The following CSMD1 variants were observed in gnomAD, a reference collection of about 807,000 sequenced individuals.
The protein encoded by CSMD1 is CUB and Sushi multiple domains 1, also known as CUB and sushi domain-containing protein 1.
CSMD1 carries 213 observed loss-of-function variants against 417.5 expected under a neutral mutation model. The ratio of observed to expected loss-of-function variants is 0.51; its 90% CI spans 0.46 to 0.57. CSMD1 has a LOEUF of 0.57. Ranked by LOEUF, CSMD1 falls within the 20% of genes least tolerant of loss-of-function variation. The probability of loss-of-function intolerance (pLI) is 0.00; values close to 1 mark genes in which losing one functional copy is unlikely to be tolerated. For synonymous variants in CSMD1, 2,862 were observed against 1,736.8 expected, an observed-to-expected ratio of 1.65 and a Z score of -16.11; for missense variants, 6,923 against 4,529.7, an observed-to-expected ratio of 1.53 and a Z score of -15.17.
At chr8:4,259,380 A>C (rs1359624437) in intron 3 of CSMD1, among the ~76,000 whole-genome samples, 1 of 152,174 alleles carries the variant, frequency 6.6e-6, no homozygotes, top group East Asian at 1.9e-4. Flanking sequence ...AAAGGAGAGG[A>C]CAGGAGGAGC....
intron 3 of CSMD1, among the ~76,000 whole-genome samples, chr8:4,311,792 A>G (rs2128879096): frequency 6.6e-6 from 1 of 151,700 alleles, no homozygotes; most frequent in African/African-American, 2.4e-5. Context: ...GAGGGGAACA[A>G]CACACACTAG....
At chr8:3,973,697 G>T (rs889761211) in intron 5 of CSMD1, among the ~76,000 whole-genome samples, 1 of 152,192 alleles carries the variant, frequency 6.6e-6, no homozygotes. Flanking sequence ...AGGTGTGAAT[G>T]CAAGACCTTT....
At chr8:4,869,053 T>A (rs927323978) in intron 1 of CSMD1, among the ~76,000 whole-genome samples, 4 of 151,992 alleles carry the variant, frequency 2.6e-5, no homozygotes, top group African/African-American at 7.3e-5. Flanking sequence ...TTCCAAACAT[T>A]ATCATCAGTT....
intron 1 of CSMD1, among the ~76,000 whole-genome samples, chr8:4,831,932 C>G (rs549161629): frequency 5.9e-5 from 9 of 152,214 alleles, no homozygotes; most frequent in African/African-American, 1.9e-4. Context: ...AAGCTGGGAC[C>G]TTCGAGATTT....
chr8:3,482,061 G>C (rs776376893), intron 11 of CSMD1, among the ~76,000 whole-genome samples: 3 of 152,108 alleles, frequency 2.0e-5, no homozygotes, highest in African/African-American at 4.8e-5. Context: ...CCACAAACAG[G>C]TTAAGATAAA....
intron 3 of CSMD1, among the ~76,000 whole-genome samples, chr8:4,228,036 C>G (rs1330065697): frequency 6.6e-6 from 1 of 151,916 alleles, no homozygotes; most frequent in Non-Finnish European, 1.5e-5. Flanking sequence ...CACATTAAAT[C>G]CCACACCAGG....
rs1393037370 is a variant in CSMD1 at position 4,808,634 on chromosome 8, A to T, written c.86-171076T>A. ...AAAATTAAATAGAACACAGCCAGCA[A>T]TCATACCAACAGCCTTTGGACAATC... On this transcript the variant is annotated intron_variant, in intron 1 of 69. Transcript: ENST00000635120. 1.3e-5 allele frequency among the ~76,000 whole-genome samples: 2 copies of T among 152,216 alleles called. 1 individual carries two copies. Among genetic ancestry groups the T allele is most frequent in the Non-Finnish European group, 2.9e-5 (2 of 68,040 alleles).
chr8:3,532,493 C>T (rs1479357535), intron 10 of CSMD1, among the ~76,000 whole-genome samples: 1 of 152,134 alleles, frequency 6.6e-6, no homozygotes, highest in African/African-American at 2.4e-5. Flanking sequence ...ACCTCTCCTC[C>T]ATATCCCAAC....
rs557995491 is a variant in CSMD1 at position 3,169,601 on chromosome 8, G to A, written c.5726-7324C>T. The stretch of plus-strand genomic sequence containing the variant: ...GTAGAGATTGGCTACAAAACAATGT[G>A]CATATACTTAATACCACTGAACTGT... On this transcript the variant is annotated intron_variant, in intron 37 of 69. Transcript: ENST00000635120. Among the ~76,000 whole-genome samples, 151 of 152,180 alleles carry A rather than the reference G, an allele frequency of 9.9e-4. 5 individuals are homozygous for A. The Middle Eastern group carries it at 0.024, about 24-fold the overall frequency.
Position 3,740,671 on chromosome 8 carries a change from G to A in CSMD1, c.931+13259C>T, listed in dbSNP as rs144390205. Among the ~76,000 whole-genome samples, 3 of 152,316 alleles carry A rather than the reference G, an allele frequency of 2.0e-5. No individual in the cohort carries two copies. The East Asian group carries it at 5.8e-4, about 29-fold the overall frequency. On this transcript the variant is annotated intron_variant, in intron 6 of 69. Transcript: ENST00000635120. ...ACCTGGGATGTAGATTTTACGAGAT[G>A]TATTGGGGAAGAGGAGTCGAAGCAA...
chr8:3,391,327 A>T (rs921655332), intron 17 of CSMD1, among the ~76,000 whole-genome samples: 1 of 152,244 alleles, frequency 6.6e-6, no homozygotes, highest in Admixed American at 6.5e-5. Context: ...GAGATGATTA[A>T]CAAGATACTT....
intron 3 of CSMD1, among the ~76,000 whole-genome samples, chr8:4,279,985 A>C (rs1200428883): frequency 6.6e-6 from 1 of 152,244 alleles, no homozygotes. Context: ...CTGGTGTTTC[A>C]AACAGAAACA....
intron 3 of CSMD1, among the ~76,000 whole-genome samples, chr8:4,251,417 A>C (rs1383256330): frequency 6.6e-6 from 1 of 152,196 alleles, no homozygotes; most frequent in East Asian, 1.9e-4. Flanking sequence ...TATTTTGAGC[A>C]ATAACATGAG....
chr8:4,865,512 A>T (rs1238257653), intron 1 of CSMD1, among the ~76,000 whole-genome samples: 1 of 151,798 alleles, frequency 6.6e-6, no homozygotes, highest in Non-Finnish European at 1.5e-5. Context: ...AACATGATGC[A>T]ACAATATATT....
chr8:4,199,744 A>G (rs1036043026), intron 3 of CSMD1, among the ~76,000 whole-genome samples: 5 of 152,174 alleles, frequency 3.3e-5, no homozygotes, highest in Non-Finnish European at 7.4e-5. Flanking sequence ...TGATCCTCTT[A>G]AAATATTTTC....
intron 5 of CSMD1, among the ~76,000 whole-genome samples, chr8:3,854,087 A>G (rs1382124271): frequency 6.8e-6 from 1 of 146,540 alleles, no homozygotes; most frequent in African/African-American, 2.5e-5. Context: ...ATACTAAAGA[A>G]AAATTACATT....
At chr8:3,441,571 T>A (rs1023235836) in intron 12 of CSMD1, among the ~76,000 whole-genome samples, 6 of 151,590 alleles carry the variant, frequency 4.0e-5, no homozygotes, top group African/African-American at 1.5e-4. Context: ...ATGGATCATG[T>A]ATACAATGGT....
intron 3 of CSMD1, among the ~76,000 whole-genome samples, chr8:4,047,716 T>C (rs1325741641): frequency 6.6e-6 from 1 of 152,150 alleles, no homozygotes; most frequent in African/African-American, 2.4e-5. Context: ...CTCAGTGGAT[T>C]TTAAATGCTA....
intron 5 of CSMD1, among the ~76,000 whole-genome samples, chr8:3,963,026 T>G (rs988945232): frequency 1.3e-5 from 2 of 152,116 alleles, no homozygotes; most frequent in African/African-American, 2.4e-5. Context: ...AACCTCTGCC[T>G]CCGAGGTTCA....
Sources: allele counts gnomAD v4.1 joint callset (sites outside exome capture counted in the v4.1 genomes callset), GRCh38; gene constraint gnomAD v4.1.1; transcripts MANE v1.5; gene names NCBI Gene and HGNC (gene_info 2026-07-23, HGNC 2026-07-21).